The following USP22 variants were observed in gnomAD, a reference collection of about 807,000 sequenced individuals.
USP22 encodes the protein ubiquitin carboxyl-terminal hydrolase 22.
A neutral mutation model predicts 68.1 loss-of-function variants in USP22; 22 were observed. The observed-to-expected ratio is 0.32, with a 90% CI of 0.23 to 0.46. The LOEUF (loss-of-function observed/expected upper bound fraction) is 0.46. Ranked by LOEUF, USP22 falls within the 20% of genes least tolerant of loss-of-function variation. The pLI is 1.00. For synonymous variants in USP22, 279 were observed against 274.2 expected, an observed-to-expected ratio of 1.02 and a Z score of -0.17; for missense variants, 433 against 695.8, an observed-to-expected ratio of 0.62 and a Z score of 4.25.
In USP22 at chr17:21,011,194, T is replaced by A. The variant is rs776121445; in HGVS notation, c.1060A>T (p.Ser354Cys). 2 of 1,612,462 alleles carry A rather than the reference T, an allele frequency of 1.2e-6. No individual in the cohort carries two copies. Among genetic ancestry groups the A allele is most frequent in the South Asian group, 1.1e-5 (1 of 90,868 alleles). The change falls in exon 8 of 13, where the codon AGC becomes TGC. Residue 354 changes from serine (S) to cysteine (C), a missense_variant. Physicochemically the swap from Ser to Cys is moderately radical, Grantham distance 112 (BLOSUM62 -1). Coordinates refer to ENST00000261497, the MANE Select transcript of USP22 (RefSeq NM_015276.2). ...GSEGNVVNGE[S>C]HVSGTTTLTD... ...AGCGTGGTGGTTCCCGACACGTGGC[T>A]TTCCCCGTTTACCACGTTGCCCTCG...
At chr17:21,010,903 C>T (rs985224518) in intron 8 of USP22, among the ~76,000 whole-genome samples, 1 of 152,096 alleles carries the variant, frequency 6.6e-6, no homozygotes, top group African/African-American at 2.4e-5. Context: ...CATTTACATG[C>T]GGAGGTTGGA....
intron 12 of USP22, 123 bp from the exon 13 acceptor site, chr17:21,003,196 A>T: frequency 8.3e-7 from 1 of 1,206,440 alleles, no homozygotes; most frequent in Non-Finnish European, 1.2e-6. Context: ...GCCCGAGTTG[A>T]TGGTTTTGGC....
rs1197776235 is a variant in USP22 at position 21,001,782 on chromosome 17, GTGGACAAA to G, written c.*1241_*1248del. The G allele has an allele frequency of 2.0e-5, 3 of 152,238 alleles. No individual in the cohort carries two copies. Among genetic ancestry groups the G allele is most frequent in the African/African-American group, 7.2e-5 (3 of 41,450 alleles). The allele number at this position is 152,238 out of a possible 1,614,324, so 9.4% of individuals were successfully genotyped here. A position where few individuals can be genotyped will look rare whatever the true frequency, so the allele number is the denominator to read the frequency against. On this transcript the variant is annotated 3_prime_UTR_variant, in exon 13 of 13. Coordinates refer to ENST00000261497, the MANE Select transcript of USP22 (RefSeq NM_015276.2). Reference sequence around the variant, plus strand: ...CTTGTCCCTAGTTTCTAATTTCTCAGTGGACAAATGGACAAACCATCTCTGTTTGAATT... The same window carrying G: ...CTTGTCCCTAGTTTCTAATTTCTCAGTGGACAAACCATCTCTGTTTGAATT...
chr17:21,043,054 G>A (rs1972464822), upstream of USP22: 3 of 261,788 alleles, frequency 1.1e-5, no homozygotes, highest in East Asian at 6.7e-5. Flanking sequence ...GACCGCCTGC[G>A]CTGCGCTCTC....
rs1429560895 is a variant in USP22 at position 21,042,860 on chromosome 17, G to A, written c.-25C>T. ...TGGGGGGCAAGGCCCGGCCGCGCGCGGGGGGCGGCGGCGAGGGAGGCGAGG... is the reference window on the plus strand; with the variant it reads ...TGGGGGGCAAGGCCCGGCCGCGCGCAGGGGGCGGCGGCGAGGGAGGCGAGG... On this transcript the variant is annotated 5_prime_UTR_variant, in exon 1 of 13. Transcript: ENST00000261497. 3.2e-6 allele frequency: 4 copies of A among 1,239,604 alleles called. No homozygotes were observed. The Admixed American group carries it at 1.3e-4, about 40-fold the overall frequency. The allele number at this position is 1,239,604 out of a possible 1,614,324, so 76.8% of individuals were successfully genotyped here. A position where few individuals can be genotyped will look rare whatever the true frequency, so the allele number is the denominator to read the frequency against.
At chr17:21,026,207 G>A (rs979294706) in intron 2 of USP22, among the ~76,000 whole-genome samples, 17 of 152,358 alleles carry the variant, frequency 1.1e-4, no homozygotes, top group African/African-American at 3.8e-4. Flanking sequence ...GCAGTGAGCT[G>A]AGACCGTGCC....
rs112173369 is a variant in USP22 at position 21,031,868 on chromosome 17, C to T, written c.172-3194G>A. On this transcript the variant is annotated intron_variant, in intron 1 of 12. Coordinates refer to ENST00000261497, the MANE Select transcript of USP22 (RefSeq NM_015276.2). ...CATTTTACAGGCCTTATGGAGCCAA[C>T]ACAGCTAAGAGACAGCTTCTCCAAC... Among the ~76,000 whole-genome samples, 830 of 152,338 alleles carry T rather than the reference C, an allele frequency of 5.4e-3. 3 individuals carry two copies. Among genetic ancestry groups the T allele is most frequent in the Middle Eastern group, 0.02 (6 of 294 alleles).
At chr17:21,012,305 T>C (rs1243367618) in intron 7 of USP22, among the ~76,000 whole-genome samples, 2 of 151,590 alleles carry the variant, frequency 1.3e-5, no homozygotes, top group Non-Finnish European at 2.9e-5. Context: ...TGCACTGAGG[T>C]TGGGTGAGAG....
chr17:21,030,753 G>A (rs1229677132), intron 1 of USP22, among the ~76,000 whole-genome samples: 1 of 152,182 alleles, frequency 6.6e-6, no homozygotes, highest in Non-Finnish European at 1.5e-5. Context: ...ATTTCTAGAT[G>A]AACCAAATCT....
chr17:21,024,964 G>A (rs1234001274), intron 2 of USP22, among the ~76,000 whole-genome samples: 2 of 152,142 alleles, frequency 1.3e-5, no homozygotes, highest in Admixed American at 6.6e-5. Context: ...GGGAGATAGT[G>A]TCTTGAAAAG....
chr17:21,038,438 GGA>G (rs767204884), intron 1 of USP22, among the ~76,000 whole-genome samples: 2 of 151,688 alleles, frequency 1.3e-5, no homozygotes, highest in South Asian at 2.1e-4. Context: ...GGGAGGCCAA[GGA>G]GAGAGGATCA....
At position 21,008,364 on chromosome 17, in the gene USP22, C is replaced by T. The variant is rs1215754021; in HGVS notation, c.1104-368G>A. ...GAGAGTCACAAAACTGGAAACACCC[C>T]GTTTCTTCCCATGGCTGAATAATTA... On this transcript the variant is annotated intron_variant, in intron 8 of 12. Transcript: ENST00000261497. 6.6e-5 allele frequency among the ~76,000 whole-genome samples: 10 copies of T among 152,138 alleles called. No homozygotes were observed. The East Asian group carries it at 9.6e-4, about 15-fold the overall frequency.
At position 21,040,943 on chromosome 17, in the gene USP22, G is replaced by A. The variant is rs368442701; in HGVS notation, c.171+1722C>T. ...TCTGTCACCCAGTCTGGAGTACAGTGGCGCGATCACTGCTCACTGCAACCT... is the reference window on the plus strand; with the variant it reads ...TCTGTCACCCAGTCTGGAGTACAGTAGCGCGATCACTGCTCACTGCAACCT... On this transcript the variant is annotated intron_variant, in intron 1 of 12. Coordinates refer to ENST00000261497, the MANE Select transcript of USP22 (RefSeq NM_015276.2). Among the ~76,000 whole-genome samples, 12 of 150,416 alleles carry A rather than the reference G, an allele frequency of 8.0e-5. No homozygotes were observed. The South Asian group carries it at 1.0e-3, about 13-fold the overall frequency.
intron 9 of USP22, 69 bp from the exon 10 acceptor site, chr17:21,007,056 C>T: frequency 7.5e-7 from 1 of 1,333,608 alleles, no homozygotes; most frequent in Non-Finnish European, 1.0e-6. Flanking sequence ...AGCTTCAGGG[C>T]CTTCTTCTGA....
In USP22 at chr17:21,042,473, G is replaced by C. The variant is rs561085916; in HGVS notation, c.171+192C>G. On this transcript the variant is annotated intron_variant, in intron 1 of 12. Transcript: ENST00000261497. The stretch of plus-strand genomic sequence containing the variant: ...AGGAAGATGAGGAGATAAGGGAAGG[G>C]AGAGAGTTGAGGGGGGAAGGAAAGG... Among the ~76,000 whole-genome samples, 1,003 of 139,702 alleles carry C rather than the reference G, an allele frequency of 7.2e-3. 4 individuals carry two copies. Among genetic ancestry groups the C allele is most frequent in the Non-Finnish European group, 0.011 (695 of 64,088 alleles). The allele number at this position is 139,702 out of a possible 152,430, so 91.6% of individuals were successfully genotyped here. A position where few individuals can be genotyped will look rare whatever the true frequency, so the allele number is the denominator to read the frequency against.
intron 10 of USP22, chr17:21,005,266 T>A (rs540379866): frequency 2.4e-6 from 1 of 424,592 alleles, no homozygotes; most frequent in Non-Finnish European, 4.2e-6. Flanking sequence ...TAATGGGAGC[T>A]GGATCTGGAG....
At chr17:21,036,340 T>A (rs1486796666) in intron 1 of USP22, among the ~76,000 whole-genome samples, 1 of 152,052 alleles carries the variant, frequency 6.6e-6, no homozygotes, top group East Asian at 1.9e-4. Context: ...TATGCGATTT[T>A]AAAAATAACT....
At chr17:21,029,059 G>T (rs1310717405) in intron 1 of USP22, among the ~76,000 whole-genome samples, 2 of 149,652 alleles carry the variant, frequency 1.3e-5, no homozygotes, top group Non-Finnish European at 3.0e-5. Flanking sequence ...TGCAAATCCA[G>T]GTTCCAGGAC....
intron 2 of USP22, among the ~76,000 whole-genome samples, chr17:21,027,428 A>G (rs1358701042): frequency 6.6e-6 from 1 of 151,980 alleles, no homozygotes; most frequent in African/African-American, 2.4e-5. Flanking sequence ...ATGGACTCGC[A>G]TGTTGTTTCC....
Sources: gnomAD v4.1 joint callset for allele counts (sites outside exome capture counted in the v4.1 genomes callset) on GRCh38, gnomAD v4.1.1 for gene constraint, MANE v1.5 for transcripts, NCBI Gene and HGNC (gene_info 2026-07-23, HGNC 2026-07-21) for gene names.